Variants in KLRG1 observed in about 807,000 individuals in gnomAD.
KLRG1 encodes the protein killer cell lectin like receptor G1, also known as killer cell lectin-like receptor subfamily G member 1.
In KLRG1, 16 loss-of-function variants were observed where a neutral mutation model predicts 21.8. The ratio of observed to expected loss-of-function variants is 0.73; its 90% confidence interval spans 0.50 to 1.11. The LOEUF is 1.11. Ranked by LOEUF, KLRG1 falls within the 50% of genes most tolerant of loss-of-function variation. The pLI, the probability that KLRG1 is intolerant of heterozygous loss-of-function variation, is 0.00. For missense variants in KLRG1, 173 were observed against 218.3 expected (o/e 0.79, Z 1.31); for synonymous variants, 69 against 75.9 (o/e 0.91, Z 0.47).
At chr12:9,203,041 A>G in the KLRG1 span, among the ~76,000 whole-genome samples, 2 of 152,200 alleles carry the variant, frequency 1.3e-5, no homozygotes, top group African/African-American at 4.8e-5. Flanking sequence ...AAGAGGTACT[A>G]GGTGTTTGCT....
the KLRG1 span, chr12:9,068,240 C>T: frequency 1.3e-6 from 2 of 1,574,654 alleles, no homozygotes; most frequent in Non-Finnish European, 1.7e-6. Context: ...AAAAAAAAAA[C>T]CAACAAAAAA....
the KLRG1 span, among the ~76,000 whole-genome samples, chr12:9,184,758 T>C: frequency 6.6e-6 from 1 of 152,212 alleles, no homozygotes; most frequent in Non-Finnish European, 1.5e-5. Flanking sequence ...TGGAGCCAGA[T>C]ACCAGTTCCC....
the KLRG1 span, chr12:9,113,272 C>G: frequency 7.0e-7 from 1 of 1,421,190 alleles, no homozygotes; most frequent in African/African-American, 1.4e-5. Flanking sequence ...TTCTTACCAA[C>G]CTCCCAAAGC....
At chr12:9,017,397 A>G in the KLRG1 span, among the ~76,000 whole-genome samples, 1 of 152,146 alleles carries the variant, frequency 6.6e-6, no homozygotes, top group Non-Finnish European at 1.5e-5. Flanking sequence ...TCAACAACAC[A>G]TTAAAAAGAT....
At chr12:8,986,910 C>T (rs1055599913), upstream of KLRG1, among the ~76,000 whole-genome samples, 19 of 152,134 alleles carry the variant, frequency 1.2e-4, no homozygotes, top group African/African-American at 1.2e-4. Context: ...CACCTCCCCG[C>T]GTCTCTCTTG....
chr12:9,086,288 GT>G, the KLRG1 span, among the ~76,000 whole-genome samples: 2 of 152,176 alleles, frequency 1.3e-5, no homozygotes, highest in Non-Finnish European at 1.5e-5. Flanking sequence ...ACACCTGTGG[GT>G]GGCTGAGGTG....
chr12:8,983,111 T>G (rs1029653513), intron 1 of KLRG1, among the ~76,000 whole-genome samples: 21 of 151,906 alleles, frequency 1.4e-4, no homozygotes, highest in African/African-American at 5.1e-4. Context: ...TTACTTTCTG[T>G]TTTTTTTAAA....
chr12:8,961,260 A>G (rs921386556), intron 1 of KLRG1, among the ~76,000 whole-genome samples: 1 of 152,158 alleles, frequency 6.6e-6, no homozygotes. Context: ...TCTTTAGCTA[A>G]TATTTGTGAA....
At position 8,950,087 on chromosome 12, in the gene KLRG1, C is replaced by T. The variant is rs754122714; in HGVS notation, c.-305C>T. 4 of 152,328 alleles carry T rather than the reference C, an allele frequency of 2.6e-5. No homozygotes were observed. In the South Asian group the frequency reaches 8.3e-4, roughly 32 times the overall value. 9.4% of individuals were successfully genotyped at this position (152,328 alleles called of 1,614,324 possible). On this transcript the variant is annotated 5_prime_UTR_variant, in exon 1 of 5. Transcript: ENST00000539240. ...CCTCCGGGCGCTTCCCTAGCCCGTT[C>T]GCCGCCTGAGAGGGACGCTGTTCCG...
At chr12:9,161,559 A>T in the KLRG1 span, among the ~76,000 whole-genome samples, 2 of 152,326 alleles carry the variant, frequency 1.3e-5, no homozygotes, top group Non-Finnish European at 2.9e-5. Context: ...CCTAAGACTT[A>T]GTGGGGGAAC....
the KLRG1 span, chr12:9,161,257 A>G: frequency 1.6e-6 from 1 of 635,398 alleles, no homozygotes; most frequent in Middle Eastern, 2.6e-4. Context: ...GTAAATTGTG[A>G]TGATTTGAGG....
chr12:9,098,607 C>T, the KLRG1 span: 14 of 1,595,270 alleles, frequency 8.8e-6, no homozygotes, highest in African/African-American at 5.4e-5. Context: ...AGGAACTCAC[C>T]GAGGACGCCG....
At chr12:9,194,035 A>G in the KLRG1 span, 3 of 1,558,254 alleles carry the variant, frequency 1.9e-6, no homozygotes, top group Non-Finnish European at 2.6e-6. Context: ...CACTGTTCCT[A>G]ACATTTCCTT....
the KLRG1 span, among the ~76,000 whole-genome samples, chr12:9,020,546 C>A: frequency 6.6e-6 from 1 of 152,132 alleles, no homozygotes; most frequent in Non-Finnish European, 1.5e-5. Context: ...TGGCTTCTTT[C>A]ACTCAGCATA....
chr12:9,068,264 C>G, the KLRG1 span: 2 of 1,589,654 alleles, frequency 1.3e-6, no homozygotes, highest in Non-Finnish European at 1.7e-6. Context: ...GAAATCATTA[C>G]ATGAAGTGAG....
intron 1 of KLRG1, among the ~76,000 whole-genome samples, chr12:8,981,857 T>C (rs753549036): frequency 6.6e-6 from 1 of 152,346 alleles, no homozygotes; most frequent in African/African-American, 2.4e-5. Context: ...TGATTATTGA[T>C]GTTTATTTTT....
intron 1 of KLRG1, among the ~76,000 whole-genome samples, chr12:8,953,055 C>A (rs370228647): frequency 1.4e-4 from 21 of 152,136 alleles, no homozygotes; most frequent in African/African-American, 4.8e-4. Context: ...ACACCCCCCC[C>A]CCGCAAAACC....
chr12:9,158,752 C>CTTTTTTTTTTTT, the KLRG1 span, among the ~76,000 whole-genome samples: 5 of 97,812 alleles, frequency 5.1e-5, no homozygotes, highest in Admixed American at 2.5e-4. Flanking sequence ...TTTTTCTTTT[C>CTTTTTTTTTTTT]TTTTCTTTTT....
At chr12:9,011,351 T>C (rs1305772032), downstream of KLRG1, among the ~76,000 whole-genome samples, 4 of 152,238 alleles carry the variant, frequency 2.6e-5, no homozygotes, top group African/African-American at 9.6e-5. Context: ...AGTAACTCAA[T>C]TCTTGCACCT....
Sources: gnomAD v4.1 joint callset for allele counts (sites outside exome capture counted in the v4.1 genomes callset) on GRCh38, gnomAD v4.1.1 for gene constraint, MANE v1.5 for transcripts, NCBI Gene and HGNC (gene_info 2026-07-23, HGNC 2026-07-21) for gene names.